Variants in PDE6C observed in about 807,000 individuals in gnomAD.
PDE6C encodes the protein cone cGMP-specific 3',5'-cyclic phosphodiesterase subunit alpha'.
PDE6C carries 75 observed loss-of-function variants against 113.1 expected under a neutral mutation model. The ratio of observed to expected loss-of-function variants is 0.66; its 90% confidence interval spans 0.55 to 0.80. The LOEUF (loss-of-function observed/expected upper bound fraction) is 0.80. Ranked by LOEUF, PDE6C falls within the 30% of genes least tolerant of loss-of-function variation. The probability of loss-of-function intolerance (pLI) is 0.00; values close to 1 mark genes in which losing one functional copy is unlikely to be tolerated. For synonymous variants in PDE6C, 375 were observed against 363.7 expected (o/e 1.03, Z -0.35); for missense variants, 912 against 1,038.6 (o/e 0.88, Z 1.67).
chr10:93,627,258 CAAAAAAAAAAA>C (rs57142181), intron 7 of PDE6C, among the ~76,000 whole-genome samples: 2 of 52,584 alleles, frequency 3.8e-5, no homozygotes, highest in East Asian at 7.6e-4. Flanking sequence ...TGAAACTCCA[CAAAAAAAAAAA>C]AAAAAAAAAA....
rs1458000995 is a variant in PDE6C at position 93,620,911 on chromosome 10, C to A, written c.654C>A (p.Asn218Lys). Residue 218 changes from asparagine to lysine, a missense_variant, in exon 3 of 22, where the codon AAC becomes AAA. Coordinates refer to ENST00000371447, the MANE Select transcript of PDE6C (RefSeq NM_006204.4). ...QDEEVFSKYLNFVSIILRLHH... is the reference protein window; with the variant it reads ...QDEEVFSKYLKFVSIILRLHH... The stretch of plus-strand genomic sequence containing the variant: ...TGTAGGTCTTTTCCAAATACCTCAA[C>A]TTTGTGTCTATCATCCTAAGGCTTC... 7.4e-6 allele frequency: 12 copies of A among 1,614,008 alleles called. No individual in the cohort carries two copies. The highest frequency in any genetic ancestry group is 1.0e-5 in the Non-Finnish European group (12 of 1,179,892).
At chr10:93,620,074 G>A (rs909873928) in intron 1 of PDE6C, among the ~76,000 whole-genome samples, 3 of 152,044 alleles carry the variant, frequency 2.0e-5, no homozygotes, top group African/African-American at 7.2e-5. Flanking sequence ...AAAACTCTTT[G>A]TTCAAGCATG....
At chr10:93,640,358 A>C (rs1437218525) in intron 12 of PDE6C, 92 bp from the exon 13 acceptor site, 7 of 1,258,216 alleles carry the variant, frequency 5.6e-6, no homozygotes, top group Admixed American at 3.4e-5. Flanking sequence ...CCCTATCTAC[A>C]AGACCAACAC....
At chr10:93,633,133 C>T (rs2058509784) in intron 8 of PDE6C, among the ~76,000 whole-genome samples, 1 of 152,104 alleles carries the variant, frequency 6.6e-6, no homozygotes, top group African/African-American at 2.4e-5. Context: ...GGTTCTCAAA[C>T]TTCAGAGGGC....
In PDE6C at chr10:93,645,952, C is replaced by G; in HGVS notation, c.1848-8C>G. 1 of 1,557,160 alleles carries G rather than the reference C, an allele frequency of 6.4e-7. No homozygotes were observed. On this transcript the variant is annotated splice_region_variant and splice_polypyrimidine_tract_variant and intron_variant, in intron 14 of 21. Coordinates refer to ENST00000371447, the MANE Select transcript of PDE6C (RefSeq NM_006204.4). ...AGCTAGAATCATGGCATGTTGTTTTCCTTCTAGATCCACGTCTCCATTAGC... is the reference window on the plus strand; with the variant it reads ...AGCTAGAATCATGGCATGTTGTTTTGCTTCTAGATCCACGTCTCCATTAGC...
chr10:93,634,566 G>A (rs570779645), intron 8 of PDE6C, among the ~76,000 whole-genome samples, 192 bp from the exon 9 acceptor site: 10 of 152,264 alleles, frequency 6.6e-5, no homozygotes, highest in South Asian at 2.1e-4. Flanking sequence ...TTCTGGTTTC[G>A]ATATTGTACT....
intron 4 of PDE6C, among the ~76,000 whole-genome samples, chr10:93,623,732 C>A (rs557450262): frequency 6.6e-6 from 1 of 152,264 alleles, no homozygotes; most frequent in African/African-American, 2.4e-5. Flanking sequence ...TTGTTCATTG[C>A]CTTTGCGCCT....
chr10:93,614,589 GC>G (rs2058411169), intron 1 of PDE6C, among the ~76,000 whole-genome samples: 1 of 152,200 alleles, frequency 6.6e-6, no homozygotes, highest in Admixed American at 6.5e-5. Flanking sequence ...CCCCAACTGA[GC>G]CCATCCCTGC....
At chr10:93,654,810 C>CTTTCTTTCTTTTTT (rs1554891606) in intron 15 of PDE6C, among the ~76,000 whole-genome samples, 23 of 77,092 alleles carry the variant, frequency 3.0e-4, no homozygotes, top group Admixed American at 2.6e-3. Flanking sequence ...TTCTTTCTTT[C>CTTTCTTTCTTTTTT]TTTTTTTTTT....
chr10:93,648,714 G>T (rs575270977), intron 15 of PDE6C, among the ~76,000 whole-genome samples: 1 of 152,244 alleles, frequency 6.6e-6, no homozygotes, highest in East Asian at 1.9e-4. Context: ...TAACCCAAAT[G>T]AATGAGTGGA....
chr10:93,622,146 T>A, intron 4 of PDE6C, 74 bp downstream of exon 4: 1 of 1,368,512 alleles, frequency 7.3e-7, no homozygotes. Flanking sequence ...ATGTGATCCT[T>A]AAAAAACAGA....
At chr10:93,656,135 T>C (rs1423122481) in intron 16 of PDE6C, among the ~76,000 whole-genome samples, 1 of 152,126 alleles carries the variant, frequency 6.6e-6, no homozygotes, top group Non-Finnish European at 1.5e-5. Flanking sequence ...TCCGAACAGG[T>C]TTGAATTGCA....
chr10:93,665,305 A>AAAAC (rs2058685068), intron 21 of PDE6C, 55 bp from the exon 22 acceptor site: 4 of 1,287,968 alleles, frequency 3.1e-6, no homozygotes, highest in Middle Eastern at 1.9e-4. Context: ...TGTTAGAATA[A>AAAAC]AAACACTGTA....
At chr10:93,663,760 G>C (rs887048220) in intron 21 of PDE6C, among the ~76,000 whole-genome samples, 5 of 152,098 alleles carry the variant, frequency 3.3e-5, no homozygotes, top group African/African-American at 1.2e-4. Flanking sequence ...TATTCCTAAA[G>C]TCACTTTGTC....
At chr10:93,623,308 G>T (rs536598952) in intron 4 of PDE6C, among the ~76,000 whole-genome samples, 78 of 152,158 alleles carry the variant, frequency 5.1e-4, no homozygotes, top group Middle Eastern at 3.4e-3. Context: ...ATTTTTTTAT[G>T]TTGTTTTCTT....
chr10:93,662,156 T>C, intron 19 of PDE6C, 23 bp downstream of exon 19: 1 of 1,479,444 alleles, frequency 6.8e-7, no homozygotes, highest in Non-Finnish European at 9.5e-7. Context: ...CATAAAAATG[T>C]ATTACTTATT....
chr10:93,654,949 A>G (rs2058629672), intron 15 of PDE6C, among the ~76,000 whole-genome samples: 1 of 151,552 alleles, frequency 6.6e-6, no homozygotes, highest in Admixed American at 6.6e-5. Context: ...GTGGGACCCC[A>G]GGCACATACC....
chr10:93,665,360 C>T lies in PDE6C; in HGVS notation c.2519C>T (p.Ala840Val), dbSNP rs781098414. Residue 840 changes from alanine to valine, a missense_variant and splice_region_variant, in exon 22 of 22, where the codon GCT becomes GTT. Physicochemically the swap from Ala to Val is moderately conservative, Grantham distance 64. Coordinates refer to ENST00000371447, the MANE Select transcript of PDE6C (RefSeq NM_006204.4). ...AKKQEGGAEK[A>V]AEDSGGGDDK... is the part of the protein sequence containing the mutation. ...ATATTGCTTTCCTTGATTTTACTAG[C>T]TGCTGAAGATTCAGGAGGTGGTGAT... 2.8e-5 allele frequency: 45 copies of T among 1,607,030 alleles called. No homozygotes were observed. The highest frequency in any genetic ancestry group is 3.7e-5 in the Non-Finnish European group (44 of 1,173,742).
At chr10:93,656,817 C>G (rs2058640015) in intron 16 of PDE6C, among the ~76,000 whole-genome samples, 1 of 152,092 alleles carries the variant, frequency 6.6e-6, no homozygotes, top group Non-Finnish European at 1.5e-5. Flanking sequence ...GATCTGCCCA[C>G]CTGGCCCTCC....
Sources: gnomAD v4.1 joint callset for allele counts (sites outside exome capture counted in the v4.1 genomes callset) on GRCh38, gnomAD v4.1.1 for gene constraint, MANE v1.5 for transcripts, NCBI Gene and HGNC (gene_info 2026-07-23, HGNC 2026-07-21) for gene names.